PLOD2: variants seen among roughly 807,000 people sequenced by gnomAD.
PLOD2 encodes lysine hydroxylase 2.
A neutral mutation model predicts 101.0 loss-of-function variants in PLOD2; 65 were observed. The observed-to-expected ratio is 0.64, with a 90% CI of 0.53 to 0.79. PLOD2 has a LOEUF of 0.79. Among genes scored for constraint, PLOD2 ranks in the 30% least tolerant of loss-of-function variants. The pLI is 0.00. For synonymous variants in PLOD2, 314 were observed against 302.9 expected, an observed-to-expected ratio of 1.04 and a Z score of -0.38; for missense variants, 909 against 914.6, an observed-to-expected ratio of 0.99 and a Z score of 0.08.
At chr3:146,158,855 G>A (rs1326616631) in intron 1 of PLOD2, among the ~76,000 whole-genome samples, 1 of 152,174 alleles carries the variant, frequency 6.6e-6, no homozygotes, top group Non-Finnish European at 1.5e-5. Context: ...GGGACATGTT[G>A]ACAAATATAC....
chr3:146,132,416 C>T (rs922144775), intron 1 of PLOD2, among the ~76,000 whole-genome samples: 10 of 152,036 alleles, frequency 6.6e-5, no homozygotes, highest in African/African-American at 1.9e-4. Context: ...AGGTCCAATA[C>T]TAACTAGATA....
chr3:146,141,919 T>C (rs2108125941), intron 1 of PLOD2, among the ~76,000 whole-genome samples: 1 of 152,132 alleles, frequency 6.6e-6, no homozygotes, highest in South Asian at 2.1e-4. Context: ...AAAAAAATTG[T>C]GAGGAATTCG....
chr3:146,120,163 T>C (rs556879082), intron 3 of PLOD2, among the ~76,000 whole-genome samples: 2 of 152,318 alleles, frequency 1.3e-5, no homozygotes, highest in South Asian at 4.1e-4. Context: ...TATCTCATTG[T>C]GGTTTTGATT....
At chr3:146,092,107 C>A (rs1207612587) in intron 7 of PLOD2, among the ~76,000 whole-genome samples, 3 of 149,508 alleles carry the variant, frequency 2.0e-5, no homozygotes, top group African/African-American at 2.5e-5. Flanking sequence ...CTAGAAATGT[C>A]AAAAAAAAAG....
intron 7 of PLOD2, among the ~76,000 whole-genome samples, chr3:146,095,227 TTAAAC>T (rs1357774738): frequency 6.6e-6 from 1 of 152,042 alleles, no homozygotes; most frequent in African/African-American, 2.4e-5. Flanking sequence ...TGGGATCTAA[TTAAAC>T]TAAGGAACTT....
intron 1 of PLOD2, among the ~76,000 whole-genome samples, chr3:146,143,045 A>G (rs988006396): frequency 6.6e-6 from 1 of 152,146 alleles, no homozygotes; most frequent in African/African-American, 2.4e-5. Context: ...ATTTTGCAGA[A>G]TGCTTTTTCC....
At chr3:146,083,714 T>C (rs1256974450) in intron 11 of PLOD2, among the ~76,000 whole-genome samples, 1 of 151,692 alleles carries the variant, frequency 6.6e-6, no homozygotes, top group East Asian at 2.0e-4. Context: ...CCCGAGTAGC[T>C]GGGACTACAG....
intron 3 of PLOD2, 101 bp downstream of exon 3, chr3:146,121,011 G>T: frequency 1.0e-6 from 1 of 964,074 alleles, no homozygotes; most frequent in Non-Finnish European, 1.6e-6. Flanking sequence ...GTGAGCCACC[G>T]TGCCCAACCA....
rs778360818 is a variant in PLOD2 at position 146,079,255 on chromosome 3, C to A, written c.1361G>T (p.Gly454Val). The change falls in exon 13 of 20, where the codon GGA becomes GTA. Residue 454 changes from glycine (G) to valine (V), a missense_variant and splice_region_variant. Gly to Val is a moderately radical substitution (Grantham distance 109). Coordinates refer to ENST00000282903, the MANE Select transcript of PLOD2 (RefSeq NM_182943.3). ...AGCCATATATGGGACATTCCATACT[C>A]CTCTGAAAGTAAAGAGAAGACATTC... ...YVDIVQGNRVGVWNVPYMANV... is the reference protein window; with the variant it reads ...YVDIVQGNRVVVWNVPYMANV... The A allele has an allele frequency of 7.5e-6, 12 of 1,602,388 alleles. No individual in the cohort carries two copies. The highest frequency in any genetic ancestry group is 1.0e-5 in the Non-Finnish European group (12 of 1,170,054).
intron 7 of PLOD2, among the ~76,000 whole-genome samples, chr3:146,102,475 G>C (rs1489817577): frequency 6.6e-6 from 1 of 152,138 alleles, no homozygotes; most frequent in Non-Finnish European, 1.5e-5. Context: ...CCCAGTATGA[G>C]AGAAATGTGG....
At chr3:146,074,583 T>A (rs1391680563) in intron 15 of PLOD2, among the ~76,000 whole-genome samples, 1 of 151,474 alleles carries the variant, frequency 6.6e-6, no homozygotes, top group Non-Finnish European at 1.5e-5. Flanking sequence ...CATTATTCCC[T>A]CTAATATTAA....
rs1173316277 is a variant in PLOD2, at chr3:146,095,917, C to T, written c.778-4016G>A. ...CTCCCCCCTCCCCCCTCTCCCTCCACAGTCTCCCTCTGATGCCGAGCCAAA... is the reference window on the plus strand; with the variant it reads ...CTCCCCCCTCCCCCCTCTCCCTCCATAGTCTCCCTCTGATGCCGAGCCAAA... On this transcript the variant is annotated intron_variant, in intron 7 of 19. Coordinates refer to ENST00000282903, the MANE Select transcript of PLOD2 (RefSeq NM_182943.3). Among the ~76,000 whole-genome samples, 78 of 139,782 alleles carry T rather than the reference C, an allele frequency of 5.6e-4. 2 individuals carry two copies. Among genetic ancestry groups the T allele is most frequent in the African/African-American group, 1.9e-3 (73 of 38,144 alleles). 91.7% of individuals were successfully genotyped at this position (139,782 alleles called of 152,430 possible).
chr3:146,128,754 A>G (rs1403651951), intron 1 of PLOD2, among the ~76,000 whole-genome samples: 1 of 151,480 alleles, frequency 6.6e-6, no homozygotes, highest in Non-Finnish European at 1.5e-5. Flanking sequence ...AACACAATTT[A>G]CCAATATTCA....
chr3:146,124,328 G>A (rs2108098323), intron 1 of PLOD2, 99 bp from the exon 2 acceptor site: 1 of 701,402 alleles, frequency 1.4e-6, no homozygotes, highest in East Asian at 2.7e-5. Context: ...AAACCCGTGG[G>A]AATATTCTGG....
chr3:146,087,080 G>A (rs1394861003), intron 9 of PLOD2, among the ~76,000 whole-genome samples, 172 bp from the exon 10 acceptor site: 1 of 151,844 alleles, frequency 6.6e-6, no homozygotes, highest in African/African-American at 2.4e-5. Flanking sequence ...TCACTTAAAT[G>A]TCACATGAAT....
At chr3:146,104,206 A>G in intron 6 of PLOD2, 73 bp downstream of exon 6, 1 of 883,202 alleles carries the variant, frequency 1.1e-6, no homozygotes, top group Non-Finnish European at 2.0e-6. Flanking sequence ...AAATGGACAT[A>G]ACAAAGGAAA....
chr3:146,081,702 G>C (rs1433490111), intron 12 of PLOD2, 36 bp downstream of exon 12: 1 of 1,524,320 alleles, frequency 6.6e-7, no homozygotes, highest in Admixed American at 1.7e-5. Flanking sequence ...TTAGATTATG[G>C]TATTTCACAT....
chr3:146,151,677 G>GT (rs1284323128), intron 1 of PLOD2, among the ~76,000 whole-genome samples: 11 of 152,010 alleles, frequency 7.2e-5, no homozygotes, highest in African/African-American at 2.4e-4. Flanking sequence ...TTGCTTACCC[G>GT]TAAGTGCTTC....
chr3:146,088,002 T>C (rs960874672), intron 9 of PLOD2, among the ~76,000 whole-genome samples: 2 of 151,748 alleles, frequency 1.3e-5, no homozygotes, highest in East Asian at 3.8e-4. Context: ...CTAGACAATG[T>C]TAAATACCAG....
Sources: allele counts gnomAD v4.1 joint callset (sites outside exome capture counted in the v4.1 genomes callset), GRCh38; gene constraint gnomAD v4.1.1; transcripts MANE v1.5; gene names NCBI Gene and HGNC (gene_info 2026-07-23, HGNC 2026-07-21).